SEMA6A: variants seen among roughly 807,000 people sequenced by gnomAD.
SEMA6A encodes semaphorin-6A.
SEMA6A carries 25 observed loss-of-function variants against 96.8 expected under a neutral mutation model. The observed-to-expected ratio is 0.26, with a 90% CI of 0.19 to 0.36. The LOEUF (loss-of-function observed/expected upper bound fraction) is 0.36. Ranked by LOEUF, SEMA6A falls within the 10% of genes least tolerant of loss-of-function variation. The pLI is 1.00. For synonymous variants in SEMA6A, 612 were observed against 518.0 expected, an observed-to-expected ratio of 1.18 and a Z score of -2.46; for missense variants, 1,363 against 1,323.1, an observed-to-expected ratio of 1.03 and a Z score of -0.47.
intron 2 of SEMA6A, among the ~76,000 whole-genome samples, chr5:116,503,598 G>A (rs540605007): frequency 7.9e-4 from 115 of 145,550 alleles, no homozygotes; most frequent in African/African-American, 2.9e-3. Flanking sequence ...TACACTCTCC[G>A]CCTCCCCAGT....
chr5:116,554,548 G>A (rs1203311081), intron 1 of SEMA6A, among the ~76,000 whole-genome samples: 1 of 152,188 alleles, frequency 6.6e-6, no homozygotes, highest in African/African-American at 2.4e-5. Flanking sequence ...GTAACAATTT[G>A]TATAAAGTAT....
At chr5:116,462,487 G>T (rs938009072) in intron 18 of SEMA6A, among the ~76,000 whole-genome samples, 2 of 152,194 alleles carry the variant, frequency 1.3e-5, no homozygotes, top group African/African-American at 4.8e-5. Context: ...CTTGCTGCTG[G>T]TGTGGAGAAA....
At chr5:116,447,873 T>C in intron 18 of SEMA6A, 62 bp from the exon 19 acceptor site, 6 of 1,357,520 alleles carry the variant, frequency 4.4e-6, no homozygotes, top group Non-Finnish European at 6.0e-6. Flanking sequence ...TTGTTTTTGC[T>C]TGGCATTCAC....
intron 1 of SEMA6A, among the ~76,000 whole-genome samples, chr5:116,511,417 T>C (rs575064513): frequency 1.4e-4 from 21 of 152,180 alleles, no homozygotes; most frequent in East Asian, 7.7e-4. Context: ...TACAGCACAG[T>C]AGTCAAAGGG....
chr5:116,462,512 C>T (rs1429939820), intron 18 of SEMA6A, among the ~76,000 whole-genome samples: 1 of 152,188 alleles, frequency 6.6e-6, no homozygotes, highest in East Asian at 1.9e-4. Flanking sequence ...TTGCCAGATG[C>T]TTAACAAGCC....
chr5:116,471,320 A>G (rs1756130059), intron 17 of SEMA6A: 1 of 152,216 alleles, frequency 6.6e-6, no homozygotes, highest in Admixed American at 6.5e-5. Flanking sequence ...ATTTTTGTTC[A>G]TAAGAGTATC....
At chr5:116,480,780 GA>G (rs1561485813) in intron 11 of SEMA6A, among the ~76,000 whole-genome samples, 4 of 152,214 alleles carry the variant, frequency 2.6e-5, no homozygotes, top group African/African-American at 9.6e-5. Flanking sequence ...GGCTCGCTCA[GA>G]GAACATTTTG....
intron 1 of SEMA6A, among the ~76,000 whole-genome samples, chr5:116,541,196 A>C (rs1759948516): frequency 1.3e-5 from 2 of 152,180 alleles, no homozygotes; most frequent in African/African-American, 2.4e-5. Flanking sequence ...GCTACACAGA[A>C]TGCTAATTGG....
At chr5:116,543,441 T>C (rs1760058183) in intron 1 of SEMA6A, among the ~76,000 whole-genome samples, 1 of 152,238 alleles carries the variant, frequency 6.6e-6, no homozygotes, top group African/African-American at 2.4e-5. Context: ...GAAAATACTT[T>C]TTTCTTCTTA....
chr5:116,469,352 A>T (rs140566964), intron 17 of SEMA6A: 1 of 152,244 alleles, frequency 6.6e-6, no homozygotes, highest in Non-Finnish European at 1.5e-5. Context: ...CATGATACAG[A>T]TAAGAGAACA....
intron 1 of SEMA6A, among the ~76,000 whole-genome samples, chr5:116,571,951 ATAAT>A (rs1212926280): frequency 1.3e-5 from 2 of 152,208 alleles, no homozygotes; most frequent in African/African-American, 4.8e-5. Context: ...ACATAATTAA[ATAAT>A]TAATTAAACC....
intron 2 of SEMA6A, among the ~76,000 whole-genome samples, chr5:116,504,593 T>C (rs1411365615): frequency 5.3e-5 from 8 of 152,184 alleles, no homozygotes; most frequent in African/African-American, 1.9e-4. Flanking sequence ...AGCCTCGATG[T>C]AGTAGCTGAG....
At chr5:116,560,234 T>C (rs944180946) in intron 1 of SEMA6A, among the ~76,000 whole-genome samples, 2 of 152,238 alleles carry the variant, frequency 1.3e-5, no homozygotes, top group African/African-American at 2.4e-5. Flanking sequence ...ACTTTTGGCC[T>C]TCTTAGCATC....
At chr5:116,471,483 T>C (rs974352168) in intron 17 of SEMA6A, 2 of 152,234 alleles carry the variant, frequency 1.3e-5, no homozygotes, top group African/African-American at 4.8e-5. Context: ...TTATAGGAAA[T>C]GATCGCAAAG....
At chr5:116,528,608 T>C (rs1005837592) in intron 1 of SEMA6A, among the ~76,000 whole-genome samples, 9 of 152,188 alleles carry the variant, frequency 5.9e-5, no homozygotes, top group African/African-American at 2.2e-4. Context: ...CTGCATCCTA[T>C]CTTCCTGTCT....
chr5:116,452,792 G>GTTGT (rs1754725868), intron 18 of SEMA6A, among the ~76,000 whole-genome samples: 1 of 152,222 alleles, frequency 6.6e-6, no homozygotes, highest in African/African-American at 2.4e-5. Context: ...TTAGGGTTGG[G>GTTGT]TTGTTTCTTT....
intron 18 of SEMA6A, among the ~76,000 whole-genome samples, chr5:116,466,659 C>T (rs1047178403): frequency 1.3e-5 from 2 of 152,114 alleles, no homozygotes; most frequent in South Asian, 4.1e-4. Flanking sequence ...GGTGCAATAG[C>T]GACTGTCTTC....
rs187356574 is a variant in SEMA6A, at chr5:116,531,252, T to A, written c.-38-26270A>T. On this transcript the variant is annotated intron_variant, in intron 1 of 18. Transcript: ENST00000343348. ...AGAAAAGGGGTCAATAAAGTTTTTT[T>A]AAAAAATGCAATCTCTACACAGTTC... 3.9e-3 allele frequency among the ~76,000 whole-genome samples: 597 copies of A among 152,278 alleles called. 10 individuals are homozygous for A. The highest frequency in any genetic ancestry group is 0.014 in the African/African-American group (563 of 41,560).
chr5:116,475,748 A>G, intron 15 of SEMA6A, 145 bp from the exon 16 acceptor site: 1 of 555,164 alleles, frequency 1.8e-6, no homozygotes, highest in Non-Finnish European at 3.2e-6. Context: ...CAGCTTTAAA[A>G]TTTATCTCTG....
Sources: gnomAD v4.1 joint callset for allele counts (sites outside exome capture counted in the v4.1 genomes callset) on GRCh38, gnomAD v4.1.1 for gene constraint, MANE v1.5 for transcripts, NCBI Gene and HGNC (gene_info 2026-07-23, HGNC 2026-07-21) for gene names.